KRT72: variants seen among roughly 807,000 people sequenced by gnomAD.
KRT72 encodes the protein keratin 72.
KRT72 carries 44 observed loss-of-function variants against 44.7 expected under a neutral mutation model. The ratio of observed to expected loss-of-function variants is 0.98; its 90% CI spans 0.77 to 1.27. KRT72 has a LOEUF of 1.27. Ranked by LOEUF, KRT72 falls within the 50% of genes most tolerant of loss-of-function variation. KRT72 has a pLI of 0.00. For missense variants in KRT72, 736 were observed against 667.1 expected (o/e 1.10, Z -1.14); for synonymous variants, 302 against 280.4 (o/e 1.08, Z -0.77).
intron 7 of KRT72, 25 bp downstream of exon 7, chr12:52,587,606 G>T (rs769845687): frequency 6.2e-7 from 1 of 1,612,464 alleles, no homozygotes. Flanking sequence ...AACTGGTCCC[G>T]ACACAAGGGT....
rs754187888 is a variant in KRT72 at position 52,601,005 on chromosome 12, A to T, written c.426+22T>A. ...GTGCACATGCGCCCAACGCAGGGACAGGCCAATGCCCGAGGACTCACCTTG... is the reference window on the plus strand; with the variant it reads ...GTGCACATGCGCCCAACGCAGGGACTGGCCAATGCCCGAGGACTCACCTTG... On this transcript the variant is annotated intron_variant, in intron 1 of 8. Transcript: ENST00000293745. The T allele has an allele frequency of 7.5e-6, 12 of 1,608,394 alleles. No homozygotes were observed. The South Asian group carries it at 1.3e-4, about 18-fold the overall frequency.
intron 5 of KRT72, among the ~76,000 whole-genome samples, 181 bp downstream of exon 5, chr12:52,591,283 T>C (rs1940006929): frequency 6.6e-6 from 1 of 152,176 alleles, no homozygotes; most frequent in African/African-American, 2.4e-5. Context: ...AGACTGTAGT[T>C]AATCTCCCTT....
At chr12:52,600,198 C>A (rs1212142009) in intron 1 of KRT72, among the ~76,000 whole-genome samples, 2 of 152,108 alleles carry the variant, frequency 1.3e-5, no homozygotes. Context: ...GTTTTCTGGC[C>A]CTTTTCTCTC....
rs1195357575 is a variant in KRT72, at chr12:52,591,619, G to A, written c.808C>T (p.Gln270Ter). 4.3e-6 allele frequency: 7 copies of A among 1,611,560 alleles called. No individual in the cohort carries two copies. Among genetic ancestry groups the A allele is most frequent in the Non-Finnish European group, 5.9e-6 (7 of 1,177,962 alleles). Reference protein sequence around the residue: ...FKCLYEGEITQIQSHISDTSI... With the variant: ...FKCLYEGEIT The stretch of plus-strand genomic sequence containing the variant: ...GTGTCGCTGATGTGGGACTGGATCT[G>A]AGTGATCTCCTGGGGACGGTTGGGG... The change falls in exon 5 of 9, where the codon CAG becomes TAG. Residue 270 changes from glutamine to a stop codon, truncating the protein, a stop_gained. Transcript: ENST00000293745. LOFTEE classifies it high-confidence loss of function.
At chr12:52,595,122 A>G (rs961419371) in intron 2 of KRT72, among the ~76,000 whole-genome samples, 3 of 152,184 alleles carry the variant, frequency 2.0e-5, no homozygotes, top group Non-Finnish European at 4.4e-5. Flanking sequence ...ACTTTTGACC[A>G]AGTGGGCTAT....
intron 1 of KRT72, among the ~76,000 whole-genome samples, chr12:52,600,243 C>G (rs1371447747): frequency 6.6e-6 from 1 of 152,140 alleles, no homozygotes; most frequent in Admixed American, 6.5e-5. Flanking sequence ...ACACACTTAC[C>G]CCACTCCTCA....
intron 2 of KRT72, among the ~76,000 whole-genome samples, chr12:52,598,161 C>G (rs555522300): frequency 6.6e-6 from 1 of 152,212 alleles, no homozygotes; most frequent in South Asian, 2.1e-4. Flanking sequence ...GGTCAGGGAC[C>G]GTGTCTCCTC....
At chr12:52,596,046 G>T (rs1011423292) in intron 2 of KRT72, among the ~76,000 whole-genome samples, 4 of 152,196 alleles carry the variant, frequency 2.6e-5, no homozygotes, top group African/African-American at 9.6e-5. Context: ...TGTGTTGAGT[G>T]TGGGGTACTT....
intron 6 of KRT72, 36 bp from the exon 7 acceptor site, chr12:52,587,887 A>AACTGG: frequency 6.3e-7 from 1 of 1,592,084 alleles, no homozygotes; most frequent in Non-Finnish European, 8.6e-7. Context: ...TAAGAGTCAG[A>AACTGG]GCCCAGTTCT....
chr12:52,585,750 T>C lies in KRT72; in HGVS notation c.*232A>G. ...TCCTGGGTAAGTGTTGTCTTTGCATTTCAGGCAATGACCCAACGAAACGGG... is the reference window on the plus strand; with the variant it reads ...TCCTGGGTAAGTGTTGTCTTTGCATCTCAGGCAATGACCCAACGAAACGGG... On this transcript the variant is annotated 3_prime_UTR_variant, in exon 9 of 9. Coordinates refer to ENST00000293745, the MANE Select transcript of KRT72 (RefSeq NM_080747.3). The C allele has an allele frequency of 2.0e-6, 1 of 504,106 alleles. No homozygotes were observed. The highest frequency in any genetic ancestry group is 3.5e-6 in the Non-Finnish European group (1 of 282,630). 31.2% of individuals were successfully genotyped at this position (504,106 alleles called of 1,614,324 possible).
chr12:52,592,962 G>T lies in KRT72; in HGVS notation c.642-10C>A. ...AATCTCCACCTCATACCTGCATGGG[G>T]CAAGACAATGAGGTAATTCAGTTCT... On this transcript the variant is annotated splice_polypyrimidine_tract_variant and intron_variant, in intron 2 of 8. Coordinates refer to ENST00000293745, the MANE Select transcript of KRT72 (RefSeq NM_080747.3). 1.2e-6 allele frequency: 2 copies of T among 1,611,836 alleles called. No individual in the cohort carries two copies. The highest frequency in any genetic ancestry group is 1.3e-5 in the African/African-American group (1 of 74,936).
chr12:52,600,520 G>A (rs949776439), intron 1 of KRT72, among the ~76,000 whole-genome samples: 2 of 152,172 alleles, frequency 1.3e-5, no homozygotes, highest in Non-Finnish European at 2.9e-5. Flanking sequence ...CCAGGGGGGA[G>A]GTAAATGAAT....
chr12:52,589,649 C>G (rs675229), intron 6 of KRT72, among the ~76,000 whole-genome samples: 121,275 of 152,130 alleles, frequency 0.8, 49,170 homozygotes, highest in African/African-American at 0.95. Context: ...GACATGGTGG[C>G]CTTCTTTGAT....
At chr12:52,587,513 C>G in intron 7 of KRT72, 118 bp downstream of exon 7, 1 of 1,075,118 alleles carries the variant, frequency 9.3e-7, no homozygotes, top group Non-Finnish European at 1.4e-6. Flanking sequence ...GTGACAAGCC[C>G]ATTTGCTGTA....
At position 52,586,171 on chromosome 12, in the gene KRT72, G is replaced by A. The variant is rs770371990; in HGVS notation, c.1347C>T (p.Ser449=). The A allele has an allele frequency of 2.5e-5, 40 of 1,612,626 alleles. 1 individual carries two copies. The Middle Eastern group carries it at 1.4e-3, about 55-fold the overall frequency. ...SGEYPNSVSI[S]VISSTNAGAG... is the part of the protein sequence containing the mutation. ...CCCCAGCATTGGTGCTGCTGATGAC[G>A]GCTGGAATGGATGAGAGAAGACCTC... The change falls in exon 9 of 9, where the codon TCC becomes TCT. Residue 449 remains serine (S), a splice_region_variant and synonymous_variant. Coordinates refer to ENST00000293745, the MANE Select transcript of KRT72 (RefSeq NM_080747.3).
upstream of KRT72, among the ~76,000 whole-genome samples, chr12:52,602,827 T>C (rs1341417900): frequency 1.3e-5 from 2 of 152,204 alleles, no homozygotes; most frequent in Admixed American, 1.3e-4. Flanking sequence ...TGGGGGTAAT[T>C]GGCTGACATA....
intron 6 of KRT72, 84 bp downstream of exon 6, chr12:52,590,752 G>T: frequency 7.4e-7 from 1 of 1,356,956 alleles, no homozygotes. Flanking sequence ...GGAGGGCACT[G>T]TGTTTTACCC....
intron 6 of KRT72, among the ~76,000 whole-genome samples, chr12:52,588,486 A>C (rs1939867859): frequency 6.6e-6 from 1 of 152,190 alleles, no homozygotes. Context: ...AACAATGCAC[A>C]CTGGAGCCTG....
intron 2 of KRT72, among the ~76,000 whole-genome samples, 188 bp downstream of exon 2, chr12:52,598,710 C>T (rs1192322762): frequency 6.6e-6 from 1 of 152,138 alleles, no homozygotes; most frequent in Non-Finnish European, 1.5e-5. Flanking sequence ...AGAAATTGAG[C>T]ACACATTTCC....
Sources: gnomAD v4.1 joint callset for allele counts (sites outside exome capture counted in the v4.1 genomes callset) on GRCh38, gnomAD v4.1.1 for gene constraint, MANE v1.5 for transcripts, NCBI Gene and HGNC (gene_info 2026-07-23, HGNC 2026-07-21) for gene names.